The following GAREM1 variants were observed in gnomAD, a reference collection of about 807,000 sequenced individuals.
GAREM1 encodes GRB2-associated and regulator of MAPK protein 1.
GAREM1 carries 26 observed loss-of-function variants against 71.3 expected under a neutral mutation model. The ratio of observed to expected loss-of-function variants is 0.36; its 90% CI spans 0.27 to 0.51. GAREM1 has a LOEUF of 0.51. Ranked by LOEUF, GAREM1 falls within the 20% of genes least tolerant of loss-of-function variation. GAREM1 has a pLI of 0.95. For missense variants in GAREM1, 1,026 were observed against 1,103.1 expected (o/e 0.93, Z 0.99); for synonymous variants, 440 against 433.2 (o/e 1.02, Z -0.20).
In GAREM1 at chr18:32,382,807, C is replaced by T. The variant is rs147003738; in HGVS notation, c.262+10088G>A. 9.8e-4 allele frequency among the ~76,000 whole-genome samples: 149 copies of T among 152,094 alleles called. 2 individuals are homozygous for T. The Middle Eastern group carries it at 0.031, about 31-fold the overall frequency. On this transcript the variant is annotated intron_variant, in intron 2 of 5. Transcript: ENST00000269209. The stretch of plus-strand genomic sequence containing the variant: ...GTGTGGAAAGAGGATCAACAAGACT[C>T]GCTGCATAATTACTCTGTGGGTCAG...
intron 1 of GAREM1, among the ~76,000 whole-genome samples, chr18:32,415,314 G>GA (rs770025231): frequency 3.3e-5 from 5 of 151,450 alleles, no homozygotes; most frequent in Admixed American, 6.6e-5. Context: ...AAACTGTTCT[G>GA]AAAAAAAATA....
At chr18:32,345,019 G>A (rs2047680894) in intron 2 of GAREM1, among the ~76,000 whole-genome samples, 1 of 152,128 alleles carries the variant, frequency 6.6e-6, no homozygotes. Context: ...CCGAGATTGT[G>A]CCACGGCACT....
rs111361041 is a variant in GAREM1 at position 32,285,000 on chromosome 18, C to T, written c.1566+2031G>A. On this transcript the variant is annotated intron_variant, in intron 4 of 5. Coordinates refer to ENST00000269209, the MANE Select transcript of GAREM1 (RefSeq NM_001242409.2). The stretch of plus-strand genomic sequence containing the variant: ...TCCTGACCTCATGATCCACCCACCT[C>T]GGCCTCCCAAAGTGCTGGGATTACA... Among the ~76,000 whole-genome samples, 441 of 152,128 alleles carry T rather than the reference C, an allele frequency of 2.9e-3. 3 individuals carry two copies. The highest frequency in any genetic ancestry group is 1.0e-2 in the African/African-American group (415 of 41,506).
intron 1 of GAREM1, among the ~76,000 whole-genome samples, chr18:32,402,893 T>TGGTTGGA (rs2048329148): frequency 8.7e-6 from 1 of 114,626 alleles, no homozygotes; most frequent in Admixed American, 8.2e-5. Context: ...GTGGACCTTT[T>TGGTTGGA]GGTTGGATTT....
At position 32,267,779 on chromosome 18, in the gene GAREM1, T is replaced by A. The variant is rs967306888; in HGVS notation, c.*92A>T. The A allele has an allele frequency of 4.5e-5, 47 of 1,046,050 alleles. No individual in the cohort carries two copies. Among genetic ancestry groups the A allele is most frequent in the Admixed American group, 3.6e-4 (14 of 39,052 alleles). 64.8% of individuals were successfully genotyped at this position (1,046,050 alleles called of 1,614,324 possible). On this transcript the variant is annotated 3_prime_UTR_variant, in exon 6 of 6. Coordinates refer to ENST00000269209, the MANE Select transcript of GAREM1 (RefSeq NM_001242409.2). The stretch of plus-strand genomic sequence containing the variant: ...CTTATCCCTATTTACAGAGAAGGTT[T>A]TTAGTGCAAAAACATGAAATTGTGT...
chr18:32,462,237 C>T (rs1024174139), intron 1 of GAREM1, among the ~76,000 whole-genome samples: 3 of 152,230 alleles, frequency 2.0e-5, no homozygotes, highest in African/African-American at 7.2e-5. Context: ...TACACTCTTA[C>T]ATTCCCACCA....
chr18:32,337,496 T>C (rs1342547733), intron 2 of GAREM1, among the ~76,000 whole-genome samples: 3 of 152,332 alleles, frequency 2.0e-5, no homozygotes, highest in Middle Eastern at 3.4e-3. Flanking sequence ...ACCCGGCTTA[T>C]CCACTTAAAA....
At chr18:32,324,729 T>C (rs1464123501) in intron 2 of GAREM1, among the ~76,000 whole-genome samples, 1 of 152,150 alleles carries the variant, frequency 6.6e-6, no homozygotes, top group East Asian at 1.9e-4. Flanking sequence ...TTTGTCAAGG[T>C]TAGAGACACA....
chr18:32,458,940 A>G (rs1006425858), intron 1 of GAREM1, among the ~76,000 whole-genome samples: 1 of 152,114 alleles, frequency 6.6e-6, no homozygotes. Flanking sequence ...ACCCAAAATA[A>G]TAAAATGATG....
chr18:32,373,621 CAA>C (rs2048007069), intron 2 of GAREM1, among the ~76,000 whole-genome samples: 1 of 152,182 alleles, frequency 6.6e-6, no homozygotes, highest in African/African-American at 2.4e-5. Context: ...TGGAAGAATA[CAA>C]TGCCAAAGGC....
intron 1 of GAREM1, among the ~76,000 whole-genome samples, chr18:32,409,279 T>C (rs1389927865): frequency 1.3e-5 from 2 of 152,138 alleles, no homozygotes; most frequent in African/African-American, 2.4e-5. Context: ...GCAGAGTATA[T>C]AAGAAAAAGA....
chr18:32,345,518 G>A (rs1361759265), intron 2 of GAREM1, among the ~76,000 whole-genome samples: 2 of 152,092 alleles, frequency 1.3e-5, no homozygotes, highest in African/African-American at 4.8e-5. Flanking sequence ...TTCAAGTAGA[G>A]TAAAAAAATA....
chr18:32,346,024 C>T (rs2047692599), intron 2 of GAREM1, among the ~76,000 whole-genome samples: 1 of 152,002 alleles, frequency 6.6e-6, no homozygotes, highest in Non-Finnish European at 1.5e-5. Flanking sequence ...TTCAAGTTCT[C>T]CACTAAACTC....
At position 32,308,524 on chromosome 18, in the gene GAREM1, AAACTTAT is replaced by A. The variant is rs1441153467; in HGVS notation, c.393+1662_393+1668del. 2.0e-5 allele frequency among the ~76,000 whole-genome samples: 3 copies of A among 149,734 alleles called. 1 individual carries two copies. On this transcript the variant is annotated intron_variant, in intron 3 of 5. Transcript: ENST00000269209. The stretch of plus-strand genomic sequence containing the variant: ...TTTAAAACTACTAACTTTCTAAAAA[AAACTTAT>A]TTTTTTTTCATTTAGAGAATTCTAA...
chr18:32,422,997 C>A (rs554153099), intron 1 of GAREM1, among the ~76,000 whole-genome samples: 1 of 152,198 alleles, frequency 6.6e-6, no homozygotes, highest in African/African-American at 2.4e-5. Context: ...ACTAAATCGC[C>A]TATTCTATAA....
At chr18:32,275,804 G>A (rs1313141302) in intron 4 of GAREM1, among the ~76,000 whole-genome samples, 2 of 152,048 alleles carry the variant, frequency 1.3e-5, no homozygotes, top group East Asian at 1.9e-4. Flanking sequence ...TCAGCCTCCC[G>A]AGTAGCTGGG....
At chr18:32,414,356 T>C (rs889236413) in intron 1 of GAREM1, among the ~76,000 whole-genome samples, 2 of 151,948 alleles carry the variant, frequency 1.3e-5, no homozygotes, top group African/African-American at 2.4e-5. Context: ...AGAGAGACAG[T>C]TGGAATATCA....
In GAREM1 at chr18:32,287,005, C is replaced by A. The variant is rs905775248; in HGVS notation, c.1566+26G>T. On this transcript the variant is annotated intron_variant, in intron 4 of 5. Coordinates refer to ENST00000269209, the MANE Select transcript of GAREM1 (RefSeq NM_001242409.2). The surrounding 1 kb of genome is among the most constrained non-coding windows in gnomAD (Gnocchi z 5.9). ...AGCAGAGAGACAGAAAGACTGGCAC[C>A]GCATTCAAAAACAGAAATGACTTAC... The A allele has an allele frequency of 2.0e-6, 3 of 1,509,384 alleles. No homozygotes were observed. Among genetic ancestry groups the A allele is most frequent in the Non-Finnish European group, 2.8e-6 (3 of 1,089,756 alleles). 93.5% of individuals were successfully genotyped at this position (1,509,384 alleles called of 1,614,324 possible).
At chr18:32,286,186 A>G (rs2047015568) in intron 4 of GAREM1, among the ~76,000 whole-genome samples, 2 of 152,198 alleles carry the variant, frequency 1.3e-5, no homozygotes, top group Admixed American at 1.3e-4. Flanking sequence ...CAATTGAAGA[A>G]CATGGTCAAA....
Sources: gnomAD v4.1 joint callset for allele counts (sites outside exome capture counted in the v4.1 genomes callset) on GRCh38, gnomAD v4.1.1 for gene constraint, Gnocchi (gnomAD v3.1) non-coding constraint, MANE v1.5 for transcripts, NCBI Gene and HGNC (gene_info 2026-07-23, HGNC 2026-07-21) for gene names.